Variants in SCRT1 observed in about 807,000 individuals in gnomAD.
SCRT1 encodes scratch family transcriptional repressor 1, also known as transcriptional repressor scratch 1.
SCRT1 carries 1 observed loss-of-function variant against 3.4 expected under a neutral mutation model. The observed-to-expected ratio is 0.29, with a 90% CI of 0.10 to 1.39. The LOEUF is 1.39. SCRT1 is among the 40% of genes most tolerant of loss of function. SCRT1 has a pLI of 0.42. For missense variants in SCRT1, 380 were observed against 526.3 expected (o/e 0.72, Z 2.72); for synonymous variants, 238 against 247.0 (o/e 0.96, Z 0.34).
chr8:144,332,425 G>A lies in SCRT1; in HGVS notation c.*760C>T, dbSNP rs2130567883. The A allele has an allele frequency of 6.6e-6, 1 of 152,244 alleles. No homozygotes were observed. The highest frequency in any genetic ancestry group is 2.1e-4 in the South Asian group (1 of 4,810). 9.4% of individuals were successfully genotyped at this position (152,244 alleles called of 1,614,324 possible). A position where few individuals can be genotyped will look rare whatever the true frequency, so the allele number is the denominator to read the frequency against. On this transcript the variant is annotated 3_prime_UTR_variant, in exon 2 of 2. Coordinates refer to ENST00000569446, the MANE Select transcript of SCRT1 (RefSeq NM_031309.6). ...GTGGGGGGTGGGGGCCCGGGGCAGG[G>A]CGGAAGCGGGGTCTGAGGAGGTCGG...
chr8:144,333,712 C>T lies in SCRT1; in HGVS notation c.520G>A (p.Ala174Thr). The T allele has an allele frequency of 2.6e-6, 3 of 1,144,356 alleles. No individual in the cohort carries two copies. Among genetic ancestry groups the T allele is most frequent in the East Asian group, 4.3e-5 (1 of 23,114 alleles). 70.9% of individuals were successfully genotyped at this position (1,144,356 alleles called of 1,614,324 possible). A position where few individuals can be genotyped will look rare whatever the true frequency, so the allele number is the denominator to read the frequency against. ...GGCCCCGCGCGCGCCTCGGTGCCTG[C>T]CCCCGCGCGCGTGCCGCCCCGGCCC... ...PGGRGGTRAG[A>T]GTEARAGPGA... The change falls in exon 2 of 2, where the codon GCA (alanine) becomes ACA (threonine). Residue 174 changes from alanine to threonine, a missense_variant. Ala to Thr is a moderately conservative substitution (Grantham distance 58). Around this residue, in one of 5 missense-constraint regions of SCRT1, gnomAD observed 115 missense variants for 107.3 expected, o/e 1.07. Coordinates refer to ENST00000569446, the MANE Select transcript of SCRT1 (RefSeq NM_031309.6).
chr8:144,334,441 G>A (rs1817855726), intron 1 of SCRT1, among the ~76,000 whole-genome samples: 1 of 151,956 alleles, frequency 6.6e-6, no homozygotes, highest in South Asian at 2.1e-4. Flanking sequence ...CAAGGTCAGG[G>A]GGGAGGGGCG....
chr8:144,333,787 C>T lies in SCRT1; in HGVS notation c.445G>A (p.Ala149Thr), dbSNP rs1458349541. 40 of 1,207,994 alleles carry T rather than the reference C, an allele frequency of 3.3e-5. No individual in the cohort carries two copies. The highest frequency in any genetic ancestry group is 3.9e-5 in the Non-Finnish European group (38 of 973,328). The allele number at this position is 1,207,994 out of a possible 1,614,324, so 74.8% of individuals were successfully genotyped here. A position where few individuals can be genotyped will look rare whatever the true frequency, so the allele number is the denominator to read the frequency against. The change falls in exon 2 of 2, where the codon GCC (alanine) becomes ACC (threonine). Residue 149 changes from alanine (A) to threonine (T), a missense_variant. By Grantham distance (58) the Ala-to-Thr change is moderately conservative. This residue lies in a region of SCRT1 where 115 missense variants were observed against 107.3 expected (regional missense o/e 1.07). Transcript: ENST00000569446. ...TASAAAPDGD[A>T]GGGGGAGGRS... ...CCGCCCGCCCCGCCCCCGCCTCCGGCGTCGCCGTCGGGGGCCGCCGCCGAG... is the reference window on the plus strand; with the variant it reads ...CCGCCCGCCCCGCCCCCGCCTCCGGTGTCGCCGTCGGGGGCCGCCGCCGAG...
At position 144,333,060 on chromosome 8, in the gene SCRT1, C is replaced by T; in HGVS notation, c.*125G>A. 1 of 832,526 alleles carries T rather than the reference C, an allele frequency of 1.2e-6. No individual in the cohort carries two copies. The highest frequency in any genetic ancestry group is 1.8e-6 in the Non-Finnish European group (1 of 565,404). 51.6% of individuals were successfully genotyped at this position (832,526 alleles called of 1,614,324 possible). Reference sequence around the variant, plus strand: ...GCGGGCGGGGCGGGGTGGGACCGGGCCCCCCTCCCCCTATTGCTGTGAGGA... The same window carrying T: ...GCGGGCGGGGCGGGGTGGGACCGGGTCCCCCTCCCCCTATTGCTGTGAGGA... On this transcript the variant is annotated 3_prime_UTR_variant, in exon 2 of 2. Coordinates refer to ENST00000569446, the MANE Select transcript of SCRT1 (RefSeq NM_031309.6).
Position 144,333,617 on chromosome 8 carries a change from G to A in SCRT1, c.615C>T (p.Asn205=), listed in dbSNP as rs782638614. The A allele has an allele frequency of 1.0e-4, 160 of 1,607,824 alleles. 2 individuals are homozygous for A. The South Asian group carries it at 1.3e-3, about 13-fold the overall frequency. The change falls in exon 2 of 2, where the codon AAC becomes AAT. Residue 205 remains asparagine (N), a synonymous_variant. Transcript: ENST00000569446. ...GGTGCGTCTGCTTGTGGCGGCTCAGGTTCGACGACGTGGCGTATGTTTTGC... is the reference window on the plus strand; with the variant it reads ...GGTGCGTCTGCTTGTGGCGGCTCAGATTCGACGACGTGGCGTATGTTTTGC... ...ECGKTYATSS[N]LSRHKQTHRS...
At position 144,335,349 on chromosome 8, in the gene SCRT1, C is replaced by T. The variant is rs1817873773; in HGVS notation, c.115+706G>A. On this transcript the variant is annotated intron_variant, in intron 1 of 1. Coordinates refer to ENST00000569446, the MANE Select transcript of SCRT1 (RefSeq NM_031309.6). The surrounding 1 kb of genome is among the most constrained non-coding windows in gnomAD (Gnocchi z 7.7). ...AGTCACATGGACCCACACAGGCTCA[C>T]ACTCCTGCAGGTCACACTTGCTCTG... Among the ~76,000 whole-genome samples, 2 of 152,198 alleles carry T rather than the reference C, an allele frequency of 1.3e-5. No individual in the cohort carries two copies. Among genetic ancestry groups the T allele is most frequent in the African/African-American group, 4.8e-5 (2 of 41,434 alleles).
intron 1 of SCRT1, among the ~76,000 whole-genome samples, chr8:144,334,416 C>G (rs941208116): frequency 1.3e-5 from 2 of 152,104 alleles, no homozygotes; most frequent in East Asian, 3.9e-4. Context: ...CGGCTGCCCC[C>G]CTTCCGCGGA....
chr8:144,334,144 G>A (rs1554850077), intron 1 of SCRT1, 28 bp from the exon 2 acceptor site: 21 of 1,171,118 alleles, frequency 1.8e-5, no homozygotes, highest in Non-Finnish European at 2.3e-5. Context: ...CGGACAGCGG[G>A]AAGGGAATGG....
chr8:144,334,044 G>T lies in SCRT1; in HGVS notation c.188C>A (p.Pro63Gln). Residue 63 changes from proline (P) to glutamine (Q), a missense_variant, in exon 2 of 2, where the codon CCG (proline) becomes CAG (glutamine). This residue lies in a region of SCRT1 where 125 missense variants were observed against 132.7 expected (regional missense o/e 0.94). Transcript: ENST00000569446. ...TGCTGCGTACATGGGCTCCGGCGAC[G>T]GCCCTTTGAGCAGCGCAGCCTCGGC... ...GDAEAALLKG[P>Q]SPEPMYAAAV... 1 of 1,527,650 alleles carries T rather than the reference G, an allele frequency of 6.5e-7. No homozygotes were observed. The allele number at this position is 1,527,650 out of a possible 1,614,324, so 94.6% of individuals were successfully genotyped here.
rs1161956037 is a variant in SCRT1, at chr8:144,335,004, C to T, written c.116-888G>A. 6.6e-6 allele frequency among the ~76,000 whole-genome samples: 1 copy of T among 152,118 alleles called. No individual in the cohort carries two copies. Among genetic ancestry groups the T allele is most frequent in the Non-Finnish European group, 1.5e-5 (1 of 68,022 alleles). ...ACTTATACCGGTAGCTGCAGTTGCTCCCCAGGCACAAGATGGATCTCATAA... is the reference window on the plus strand; with the variant it reads ...ACTTATACCGGTAGCTGCAGTTGCTTCCCAGGCACAAGATGGATCTCATAA... On this transcript the variant is annotated intron_variant, in intron 1 of 1. Coordinates refer to ENST00000569446, the MANE Select transcript of SCRT1 (RefSeq NM_031309.6). This position sits in a 1 kb window ranked among gnomAD's most constrained non-coding sequence, Gnocchi z 7.7.
At position 144,333,934 on chromosome 8, in the gene SCRT1, C is replaced by T; in HGVS notation, c.298G>A (p.Gly100Ser). The T allele has an allele frequency of 7.6e-7, 1 of 1,322,778 alleles. No homozygotes were observed. The highest frequency in any genetic ancestry group is 1.9e-5 in the South Asian group (1 of 51,746). 81.9% of individuals were successfully genotyped at this position (1,322,778 alleles called of 1,614,324 possible). ...ACGGCCGCGTCGCCGTTGATGTAGC[C>T]GCCCGCAGCGGTGGCCAGCTCCGGG... ...PRPELATAAG[G>S]YINGDAAVSE... is the part of the protein sequence containing the mutation. Residue 100 changes from glycine (G) to serine (S), a missense_variant, in exon 2 of 2, where the codon GGC becomes AGC. Physicochemically the swap from Gly to Ser is moderately conservative, Grantham distance 56 (BLOSUM62 0). This residue lies in a region of SCRT1 where 17 missense variants were observed against 52.3 expected (regional missense o/e 0.33). Coordinates refer to ENST00000569446, the MANE Select transcript of SCRT1 (RefSeq NM_031309.6).
rs1817780344 is a variant in SCRT1 at position 144,332,274 on chromosome 8, G to A, written c.*911C>T. ...ACAAATACAGAAAAAGAAACCCGAC[G>A]CGTCCGCAACCCCCCCAGGGGGCTT... On this transcript the variant is annotated 3_prime_UTR_variant, in exon 2 of 2. Coordinates refer to ENST00000569446, the MANE Select transcript of SCRT1 (RefSeq NM_031309.6). 1 of 152,234 alleles carries A rather than the reference G, an allele frequency of 6.6e-6. No individual in the cohort carries two copies. The highest frequency in any genetic ancestry group is 2.4e-5 in the African/African-American group (1 of 41,428). 9.4% of individuals were successfully genotyped at this position (152,234 alleles called of 1,614,324 possible).
At position 144,332,980 on chromosome 8, in the gene SCRT1, C is replaced by T; in HGVS notation, c.*205G>A. ...ACCCTGGAGGGGAGGGGAGGGGGCT[C>T]GGGGTGGGTCTCCCCTCGGGACCCT... On this transcript the variant is annotated 3_prime_UTR_variant, in exon 2 of 2. Coordinates refer to ENST00000569446, the MANE Select transcript of SCRT1 (RefSeq NM_031309.6). 1 of 392,486 alleles carries T rather than the reference C, an allele frequency of 2.5e-6. No individual in the cohort carries two copies. Among genetic ancestry groups the T allele is most frequent in the South Asian group, 3.8e-5 (1 of 26,274 alleles). The allele number at this position is 392,486 out of a possible 1,614,324, so 24.3% of individuals were successfully genotyped here. A position where few individuals can be genotyped will look rare whatever the true frequency, so the allele number is the denominator to read the frequency against.
chr8:144,333,691 C>T lies in SCRT1; in HGVS notation c.541G>A (p.Gly181Arg), dbSNP rs2130571260. ...CCGCCAGCACCTGCGGCCCCTGGCC[C>T]CGCGCGCGCCTCGGTGCCTGCCCCC... ...RAGAGTEARA[G>R]PGAAGAGGRH... The change falls in exon 2 of 2, where the codon GGG becomes AGG. Residue 181 changes from glycine (G) to arginine (R), a missense_variant. Gly to Arg is a moderately radical substitution (Grantham distance 125). Coordinates refer to ENST00000569446, the MANE Select transcript of SCRT1 (RefSeq NM_031309.6). 7.1e-7 allele frequency: 1 copy of T among 1,416,754 alleles called. No homozygotes were observed. Among genetic ancestry groups the T allele is most frequent in the Non-Finnish European group, 9.2e-7 (1 of 1,092,762 alleles). The allele number at this position is 1,416,754 out of a possible 1,614,324, so 87.8% of individuals were successfully genotyped here. A position where few individuals can be genotyped will look rare whatever the true frequency, so the allele number is the denominator to read the frequency against.
chr8:144,332,155 T>C lies in SCRT1; in HGVS notation c.*1030A>G, dbSNP rs1817777678. ...GCGGGCCTCGGGGCGTGGAAAGTAA[T>C]CCCGGACATCCCAGGCCCCCGGCGT... is the stretch of plus-strand genomic sequence containing the variant. On this transcript the variant is annotated 3_prime_UTR_variant, in exon 2 of 2. Transcript: ENST00000569446. 1 of 151,876 alleles carries C rather than the reference T, an allele frequency of 6.6e-6. No individual in the cohort carries two copies. The allele number at this position is 151,876 out of a possible 1,614,324, so 9.4% of individuals were successfully genotyped here. A position where few individuals can be genotyped will look rare whatever the true frequency, so the allele number is the denominator to read the frequency against.
Position 144,336,233 on chromosome 8 carries a change from AGG to A in SCRT1, c.-66_-65del. ...CGGGGCTTGGGGGGGCTGCGGCGGC[AGG>A]GCCCCGTCACCATCCGAGGAGCGGC... On this transcript the variant is annotated 5_prime_UTR_variant, in exon 1 of 2. Transcript: ENST00000569446. This position sits in a 1 kb window ranked among gnomAD's most constrained non-coding sequence, Gnocchi z 6.8. The A allele has an allele frequency of 1.6e-6, 2 of 1,264,242 alleles. No individual in the cohort carries two copies. The highest frequency in any genetic ancestry group is 2.2e-6 in the Non-Finnish European group (2 of 915,338). The allele number at this position is 1,264,242 out of a possible 1,614,324, so 78.3% of individuals were successfully genotyped here. A position where few individuals can be genotyped will look rare whatever the true frequency, so the allele number is the denominator to read the frequency against.
In SCRT1 at chr8:144,334,015, C is replaced by G; in HGVS notation, c.217G>C (p.Val73Leu). The G allele has an allele frequency of 6.6e-7, 1 of 1,505,034 alleles. No individual in the cohort carries two copies. Among genetic ancestry groups the G allele is most frequent in the Non-Finnish European group, 8.8e-7 (1 of 1,131,224 alleles). The allele number at this position is 1,505,034 out of a possible 1,614,324, so 93.2% of individuals were successfully genotyped here. A position where few individuals can be genotyped will look rare whatever the true frequency, so the allele number is the denominator to read the frequency against. Residue 73 changes from valine to leucine, a missense_variant, in exon 2 of 2, where the codon GTG becomes CTG. Val to Leu is a conservative substitution (Grantham distance 32). Around this residue, in one of 5 missense-constraint regions of SCRT1, gnomAD observed 125 missense variants for 132.7 expected, o/e 0.94. Transcript: ENST00000569446. ...PSPEPMYAAA[V>L]RGELGPAAAG... is the part of the protein sequence containing the mutation. ...GCCGCCGGACCCAGCTCTCCACGCA[C>G]AGCTGCTGCGTACATGGGCTCCGGC...
Position 144,336,270 on chromosome 8 carries a change from G to T in SCRT1, c.-101C>A. The T allele has an allele frequency of 1.2e-6, 1 of 852,342 alleles. No individual in the cohort carries two copies. Among genetic ancestry groups the T allele is most frequent in the Non-Finnish European group, 1.8e-6 (1 of 558,352 alleles). The allele number at this position is 852,342 out of a possible 1,614,324, so 52.8% of individuals were successfully genotyped here. ...CCATCCGAGGAGCGGCGGAGGCAGC[G>T]CGGGTCCCCACTCTGGCCTTTGGAT... On this transcript the variant is annotated 5_prime_UTR_variant, in exon 1 of 2. Transcript: ENST00000569446. This position sits in a 1 kb window ranked among gnomAD's most constrained non-coding sequence, Gnocchi z 6.8.
rs1332486485 is a variant in SCRT1, at chr8:144,332,397, G to C, written c.*788C>G. On this transcript the variant is annotated 3_prime_UTR_variant, in exon 2 of 2. Transcript: ENST00000569446. ...CTCCAACACGAATGCCTGGGGTACG[G>C]GGGTGGGGGGTGGGGGCCCGGGGCA... The C allele has an allele frequency of 6.7e-6, 1 of 149,680 alleles. No individual in the cohort carries two copies. Among genetic ancestry groups the C allele is most frequent in the East Asian group, 2.0e-4 (1 of 5,042 alleles). 9.3% of individuals were successfully genotyped at this position (149,680 alleles called of 1,614,324 possible).
Sources: gnomAD v4.1 joint callset for allele counts (sites outside exome capture counted in the v4.1 genomes callset) on GRCh38, gnomAD v4.1.1 for gene constraint, gnomAD v4.1.1 regional missense constraint, Gnocchi (gnomAD v3.1) non-coding constraint, MANE v1.5 for transcripts, NCBI Gene and HGNC (gene_info 2026-07-23, HGNC 2026-07-21) for gene names.